The following TTC28 variants were observed in gnomAD, a reference collection of about 807,000 sequenced individuals.
TTC28 encodes the protein tetratricopeptide repeat domain 28, also known as tetratricopeptide repeat protein 28.
TTC28 carries 61 observed loss-of-function variants against 198.0 expected under a neutral mutation model. The observed-to-expected ratio is 0.31, with a 90% CI of 0.25 to 0.38. TTC28 has a LOEUF of 0.38. Ranked by LOEUF, TTC28 falls within the 10% of genes least tolerant of loss-of-function variation. The pLI, the probability that TTC28 is intolerant of heterozygous loss-of-function variation, is 1.00. For synonymous variants in TTC28, 1,171 were observed against 1,297.8 expected (o/e 0.90, Z 2.10); for missense variants, 2,678 against 3,164.0 (o/e 0.85, Z 3.69).
chr22:28,674,217 G>A (rs2051938200), intron 1 of TTC28, among the ~76,000 whole-genome samples: 1 of 151,174 alleles, frequency 6.6e-6, no homozygotes, highest in Non-Finnish European at 1.5e-5. Flanking sequence ...GAAAGGTGAT[G>A]GGGACAGGAA....
intron 7 of TTC28, among the ~76,000 whole-genome samples, 163 bp from the exon 8 acceptor site, chr22:28,105,965 G>C (rs1942286615): frequency 6.6e-6 from 1 of 152,214 alleles, no homozygotes; most frequent in African/African-American, 2.4e-5. Context: ...GTGAGATGCA[G>C]AGGAATTTCA....
intron 2 of TTC28, among the ~76,000 whole-genome samples, chr22:28,571,873 G>A (rs573373713): frequency 3.3e-5 from 5 of 151,022 alleles, no homozygotes; most frequent in South Asian, 4.2e-4. Context: ...GCTTGAACCC[G>A]GGAGGCAGAG....
chr22:28,552,817 C>T (rs531092859), intron 2 of TTC28, among the ~76,000 whole-genome samples: 22 of 149,518 alleles, frequency 1.5e-4, no homozygotes, highest in South Asian at 6.6e-4. Context: ...TCTCTTTCCA[C>T]GGTCTCCCTC....
intron 5 of TTC28, among the ~76,000 whole-genome samples, chr22:28,169,314 G>A (rs187163530): frequency 2.6e-5 from 4 of 152,174 alleles, no homozygotes; most frequent in East Asian, 3.9e-4. Flanking sequence ...CCAGCCATCC[G>A]ATTACTGGGT....
intron 5 of TTC28, among the ~76,000 whole-genome samples, chr22:28,253,868 G>A (rs1475614087): frequency 6.6e-6 from 1 of 152,026 alleles, no homozygotes; most frequent in Non-Finnish European, 1.5e-5. Context: ...ACTTTGGGAG[G>A]CCAAGGTGGG....
intron 12 of TTC28, among the ~76,000 whole-genome samples, chr22:28,031,572 C>G (rs1255621572): frequency 6.6e-6 from 1 of 152,118 alleles, no homozygotes; most frequent in South Asian, 2.1e-4. Context: ...TTAGGACAAA[C>G]ATGACCCACT....
chr22:28,648,560 C>A (rs912103409), intron 1 of TTC28, among the ~76,000 whole-genome samples: 4 of 152,184 alleles, frequency 2.6e-5, no homozygotes, highest in African/African-American at 9.7e-5. Flanking sequence ...TATTGCCCCA[C>A]AATTCACAAT....
intron 6 of TTC28, among the ~76,000 whole-genome samples, chr22:28,134,990 C>G (rs1052605652): frequency 6.6e-6 from 1 of 152,206 alleles, no homozygotes; most frequent in South Asian, 2.1e-4. Flanking sequence ...GGTATCATCT[C>G]AGTGTCAGTA....
chr22:28,473,410 G>T (rs2048123192), intron 2 of TTC28, among the ~76,000 whole-genome samples: 1 of 152,090 alleles, frequency 6.6e-6, no homozygotes, highest in African/African-American at 2.4e-5. Context: ...CAGGGAAGAG[G>T]CAAAAACACC....
At chr22:27,995,152 C>A (rs994245632) in intron 17 of TTC28, among the ~76,000 whole-genome samples, 1 of 152,214 alleles carries the variant, frequency 6.6e-6, no homozygotes, top group African/African-American at 2.4e-5. Flanking sequence ...GCCCAACCCA[C>A]GGGCAAGAAG....
intron 2 of TTC28, among the ~76,000 whole-genome samples, chr22:28,512,533 C>T (rs2048703805): frequency 6.6e-6 from 1 of 152,236 alleles, no homozygotes; most frequent in Non-Finnish European, 1.5e-5. Context: ...CCTATATGCC[C>T]ACCAATGATA....
chr22:28,021,630 G>A (rs1026516172), intron 13 of TTC28, among the ~76,000 whole-genome samples: 3 of 152,188 alleles, frequency 2.0e-5, no homozygotes, highest in African/African-American at 7.2e-5. Flanking sequence ...GATAGCAGCT[G>A]TGTACATGTG....
At chr22:28,025,149 C>T (rs956339840) in intron 13 of TTC28, among the ~76,000 whole-genome samples, 3 of 149,212 alleles carry the variant, frequency 2.0e-5, no homozygotes, top group African/African-American at 7.3e-5. Flanking sequence ...CAGGAAGAAG[C>T]ATCAATCTAT....
chr22:28,151,676 C>T (rs1208960168), intron 6 of TTC28, among the ~76,000 whole-genome samples: 1 of 152,194 alleles, frequency 6.6e-6, no homozygotes, highest in Non-Finnish European at 1.5e-5. Flanking sequence ...TCTGCAAGGC[C>T]TCTGGTGCTT....
chr22:28,238,458 A>G (rs1929416020), intron 5 of TTC28, among the ~76,000 whole-genome samples: 1 of 152,128 alleles, frequency 6.6e-6, no homozygotes, highest in South Asian at 2.1e-4. Flanking sequence ...TTTATATTCT[A>G]TCAAATGTTC....
chr22:28,609,277 C>A (rs1313934909), intron 2 of TTC28, among the ~76,000 whole-genome samples: 1 of 152,140 alleles, frequency 6.6e-6, no homozygotes, highest in Non-Finnish European at 1.5e-5. Context: ...AAAAAATTCA[C>A]AGGGATTGCT....
rs367785465 is a variant in TTC28 at position 28,259,669 on chromosome 22, G to A, written c.933+36529C>T. Among the ~76,000 whole-genome samples, 14 of 151,966 alleles carry A rather than the reference G, an allele frequency of 9.2e-5. No homozygotes were observed. In the East Asian group the frequency reaches 1.9e-3, roughly 21 times the overall value. On this transcript the variant is annotated intron_variant, in intron 5 of 22. Coordinates refer to ENST00000397906, the MANE Select transcript of TTC28 (RefSeq NM_001145418.2). ...ATTAAATATGAAAAGACAGCTCAAT[G>A]GTTTGTATTTTTTTTAAAAAGAATT...
chr22:28,111,670 A>G (rs1942485049), intron 6 of TTC28, among the ~76,000 whole-genome samples: 1 of 152,150 alleles, frequency 6.6e-6, no homozygotes, highest in South Asian at 2.1e-4. Context: ...GGGCAGTAGG[A>G]GTGCCCAAAT....
At chr22:28,072,730 G>T (rs1376217879) in intron 12 of TTC28, among the ~76,000 whole-genome samples, 1 of 152,196 alleles carries the variant, frequency 6.6e-6, no homozygotes, top group Admixed American at 6.5e-5. Flanking sequence ...GCTATCAGAA[G>T]AAGAAAGTAA....
Sources: gnomAD v4.1 joint callset for allele counts (sites outside exome capture counted in the v4.1 genomes callset) on GRCh38, gnomAD v4.1.1 for gene constraint, MANE v1.5 for transcripts, NCBI Gene and HGNC (gene_info 2026-07-23, HGNC 2026-07-21) for gene names.